The following QTMAN variants were observed in gnomAD, a reference collection of about 807,000 sequenced individuals.
QTMAN encodes tRNA-queuosine alpha-mannosyltransferase.
At chr2:144,019,435 G>GGGGGGTGTGTGTGTGT in the QTMAN span, among the ~76,000 whole-genome samples, 1 of 117,224 alleles carries the variant, frequency 8.5e-6, no homozygotes, top group African/African-American at 3.1e-5. Context: ...TAAGCATGCA[G>GGGGGGTGTGTGTGTGT]GTGTGTGTGT....
chr2:143,960,963 C>T, the QTMAN span, among the ~76,000 whole-genome samples: 4 of 152,226 alleles, frequency 2.6e-5, no homozygotes, highest in African/African-American at 9.6e-5. Context: ...TGAGAAATCT[C>T]CAAGGTCCCT....
chr2:143,950,859 T>A, the QTMAN span: 918 of 152,134 alleles, frequency 6.0e-3, 10 homozygotes, highest in African/African-American at 0.021. Context: ...GGAGTAATAC[T>A]GAAGCTGGAA....
the QTMAN span, among the ~76,000 whole-genome samples, chr2:143,954,297 A>G: frequency 1.3e-5 from 2 of 152,188 alleles, no homozygotes; most frequent in East Asian, 3.9e-4. Context: ...AAAAGCAAAT[A>G]CATATGAACA....
the QTMAN span, among the ~76,000 whole-genome samples, chr2:144,260,142 T>A: frequency 6.6e-6 from 1 of 152,162 alleles, no homozygotes; most frequent in Non-Finnish European, 1.5e-5. Context: ...TCAACTTTAG[T>A]GAAAACACTT....
chr2:144,219,936 A>G, the QTMAN span, among the ~76,000 whole-genome samples: 1 of 152,336 alleles, frequency 6.6e-6, no homozygotes, highest in South Asian at 2.1e-4. Context: ...GTATTCAGTA[A>G]AAGTACATTT....
chr2:143,946,947 C>A, the QTMAN span: 1 of 789,322 alleles, frequency 1.3e-6, no homozygotes, highest in South Asian at 1.7e-5. Flanking sequence ...GGCTCAGCTT[C>A]CTCTGCAGAT....
At chr2:144,225,775 T>C in the QTMAN span, among the ~76,000 whole-genome samples, 12 of 152,220 alleles carry the variant, frequency 7.9e-5, no homozygotes, top group Non-Finnish European at 1.5e-5. Flanking sequence ...GTAATTACGC[T>C]TTCCTCTGTA....
chr2:144,144,875 A>G, the QTMAN span, among the ~76,000 whole-genome samples: 2 of 151,924 alleles, frequency 1.3e-5, no homozygotes, highest in African/African-American at 4.8e-5. Flanking sequence ...ATTCCGTTTG[A>G]CTGTTGCAGT....
At chr2:143,978,497 C>T in the QTMAN span, among the ~76,000 whole-genome samples, 1 of 152,192 alleles carries the variant, frequency 6.6e-6, no homozygotes, top group South Asian at 2.1e-4. Context: ...ATATTGTACA[C>T]AGTCATTTTT....
the QTMAN span, among the ~76,000 whole-genome samples, chr2:144,330,894 AAC>A: frequency 3.9e-5 from 6 of 152,220 alleles, no homozygotes; most frequent in Admixed American, 6.5e-5. Context: ...ATGTTCCTTA[AAC>A]ATCGAAAATT....
At chr2:144,005,986 T>C in the QTMAN span, 1 of 152,134 alleles carries the variant, frequency 6.6e-6, no homozygotes, top group Non-Finnish European at 1.5e-5. Flanking sequence ...AAAAAGCTTT[T>C]CAGAAGGGAG....
chr2:144,209,494 T>C, the QTMAN span, among the ~76,000 whole-genome samples: 1 of 152,302 alleles, frequency 6.6e-6, no homozygotes, highest in South Asian at 2.1e-4. Flanking sequence ...ACCAAAACAA[T>C]GTGGTAAAGT....
chr2:144,287,286 T>G, the QTMAN span, among the ~76,000 whole-genome samples: 1 of 152,102 alleles, frequency 6.6e-6, no homozygotes, highest in African/African-American at 2.4e-5. Context: ...AATACAAAAA[T>G]TAGCTGGGCG....
the QTMAN span, chr2:143,947,068 G>C: frequency 6.8e-6 from 11 of 1,613,088 alleles, no homozygotes; most frequent in South Asian, 1.1e-5. Context: ...ATCTTCCCTA[G>C]GTTCTGTTGT....
chr2:144,199,221 G>A, the QTMAN span, among the ~76,000 whole-genome samples: 2 of 151,850 alleles, frequency 1.3e-5, no homozygotes, highest in African/African-American at 4.8e-5. Flanking sequence ...CTAATTTTTG[G>A]TATTTTTAGT....
chr2:144,153,156 A>G, the QTMAN span, among the ~76,000 whole-genome samples: 1 of 152,244 alleles, frequency 6.6e-6, no homozygotes, highest in Non-Finnish European at 1.5e-5. Flanking sequence ...CCTCAGACCC[A>G]GAAGTATCCA....
At chr2:144,232,862 GC>G in the QTMAN span, among the ~76,000 whole-genome samples, 2 of 152,004 alleles carry the variant, frequency 1.3e-5, no homozygotes, top group Non-Finnish European at 2.9e-5. Flanking sequence ...AATTCATTAT[GC>G]CACATTTTCA....
At chr2:144,101,196 C>A in the QTMAN span, among the ~76,000 whole-genome samples, 9 of 151,962 alleles carry the variant, frequency 5.9e-5, no homozygotes, top group African/African-American at 2.2e-4. Flanking sequence ...TGAAAGGGTG[C>A]AAAGAATATT....
At chr2:144,315,312 A>T in the QTMAN span, among the ~76,000 whole-genome samples, 4 of 152,254 alleles carry the variant, frequency 2.6e-5, no homozygotes, top group Non-Finnish European at 5.9e-5. Context: ...ACAAACTTAT[A>T]GCCTAAGTCA....
Sources: allele counts gnomAD v4.1 joint callset (sites outside exome capture counted in the v4.1 genomes callset), GRCh38; gene constraint gnomAD v4.1.1; transcripts MANE v1.5; gene names NCBI Gene and HGNC (gene_info 2026-07-23, HGNC 2026-07-21).